The following ENTPD6 variants were observed in gnomAD, a reference collection of about 807,000 sequenced individuals.
The protein encoded by ENTPD6 is CD39 antigen-like 2.
Under a neutral mutation model 61.5 loss-of-function variants are expected in ENTPD6, and 46 were observed. That is an observed-to-expected ratio of 0.75 (90% confidence interval 0.59 to 0.96). ENTPD6 has a LOEUF of 0.96. Among genes scored for constraint, ENTPD6 ranks in the 40% least tolerant of loss-of-function variants. The pLI is 0.00. For synonymous variants in ENTPD6, 252 were observed against 255.5 expected (o/e 0.99, Z 0.13); for missense variants, 612 against 629.0 (o/e 0.97, Z 0.29).
At chr20:25,223,080 AC>A in intron 12 of ENTPD6, 102 bp downstream of exon 12, 5 of 1,373,758 alleles carry the variant, frequency 3.6e-6, no homozygotes, top group Non-Finnish European at 4.9e-6. Flanking sequence ...CAGGCAAGCA[AC>A]CCTGTTGTCA....
chr20:25,215,875 A>G (rs1164741688), intron 7 of ENTPD6, among the ~76,000 whole-genome samples, 164 bp downstream of exon 7: 3 of 152,172 alleles, frequency 2.0e-5, no homozygotes, highest in African/African-American at 7.2e-5. Context: ...GGGTGGGGTC[A>G]CCCACCTGTC....
chr20:25,220,534 C>T (rs373981796), intron 10 of ENTPD6, among the ~76,000 whole-genome samples: 1 of 152,292 alleles, frequency 6.6e-6, no homozygotes, highest in Middle Eastern at 3.4e-3. Context: ...GGTCTGTGCA[C>T]GTGCCTGTCG....
At position 25,216,636 on chromosome 20, in the gene ENTPD6, G is replaced by T. The variant is rs1219757653; in HGVS notation, c.710-12G>T. ...TAATGCCCCTGTGCTGTTTTTGCTT[G>T]CTGTGCTCCAGGCAGCTTGAAAACT... is the stretch of plus-strand genomic sequence containing the variant. On this transcript the variant is annotated splice_polypyrimidine_tract_variant and intron_variant, in intron 7 of 14. Coordinates refer to ENST00000376652, the MANE Select transcript of ENTPD6 (RefSeq NM_001247.5). The T allele has an allele frequency of 1.3e-6, 2 of 1,588,844 alleles. No individual in the cohort carries two copies. The highest frequency in any genetic ancestry group is 2.3e-5 in the East Asian group (1 of 44,028).
In ENTPD6 at chr20:25,227,664, G is replaced by A. The variant is rs1026040264; in HGVS notation, c.*2067G>A. On this transcript the variant is annotated 3_prime_UTR_variant, in exon 15 of 15. Coordinates refer to ENST00000376652, the MANE Select transcript of ENTPD6 (RefSeq NM_001247.5). ...TGACAAGCTCAGACAGGTCTCACAC[G>A]CCCCACATGCCACCCCAGCCCGCGT... Among the ~76,000 whole-genome samples, 1 of 152,160 alleles carries A rather than the reference G, an allele frequency of 6.6e-6. No individual in the cohort carries two copies. The highest frequency in any genetic ancestry group is 1.5e-5 in the Non-Finnish European group (1 of 68,036).
In ENTPD6 at chr20:25,225,620, G is replaced by A. The variant is rs773014634; in HGVS notation, c.*23G>A. 36 of 1,588,318 alleles carry A rather than the reference G, an allele frequency of 2.3e-5. No individual in the cohort carries two copies. The highest frequency in any genetic ancestry group is 8.9e-5 in the East Asian group (4 of 44,778). ...TAGTGGCCGAGCCATCCCTGTCCCC[G>A]TCAGCAGTGTCTGTGTGTCTGCATA... On this transcript the variant is annotated 3_prime_UTR_variant, in exon 15 of 15. Transcript: ENST00000376652.
intron 1 of ENTPD6, among the ~76,000 whole-genome samples, chr20:25,197,964 C>A (rs563992396): frequency 6.6e-6 from 1 of 152,248 alleles, no homozygotes; most frequent in South Asian, 2.1e-4. Flanking sequence ...TCAGACAGTT[C>A]CGTTTACACA....
chr20:25,222,578 C>T (rs1172324389), intron 11 of ENTPD6: 1 of 418,780 alleles, frequency 2.4e-6, no homozygotes, highest in Non-Finnish European at 4.3e-6. Context: ...GCTTCCTCCT[C>T]AGAGTCCAGG....
At chr20:25,200,478 G>A (rs529573325) in intron 1 of ENTPD6, among the ~76,000 whole-genome samples, 1 of 151,628 alleles carries the variant, frequency 6.6e-6, no homozygotes, top group Non-Finnish European at 1.5e-5. Context: ...TTTTGGTGTC[G>A]TATCTAAGAA....
intron 10 of ENTPD6, among the ~76,000 whole-genome samples, chr20:25,219,492 A>C (rs773455675): frequency 6.6e-6 from 1 of 152,236 alleles, no homozygotes; most frequent in East Asian, 1.9e-4. Flanking sequence ...CACAGCCTGC[A>C]TCAGGGCCAG....
chr20:25,220,837 C>A (rs1384937234), intron 10 of ENTPD6, among the ~76,000 whole-genome samples: 1 of 152,172 alleles, frequency 6.6e-6, no homozygotes, highest in Non-Finnish European at 1.5e-5. Context: ...GCAGCAGATT[C>A]CATTCAAGGC....
intron 4 of ENTPD6, 32 bp downstream of exon 4, chr20:25,209,957 A>G (rs374001806): frequency 1.9e-6 from 3 of 1,571,124 alleles, no homozygotes; most frequent in African/African-American, 1.3e-5. Flanking sequence ...TCCCTGTTCA[A>G]CTGCAGAATG....
At chr20:25,225,465 G>A (rs1402092658) in intron 14 of ENTPD6, 34 bp from the exon 15 acceptor site, 4 of 1,604,098 alleles carry the variant, frequency 2.5e-6, no homozygotes, top group African/African-American at 2.7e-5. Context: ...TCCTGTCTGT[G>A]TGATGGTCCC....
chr20:25,217,543 G>A lies in ENTPD6; in HGVS notation c.840G>A (p.Leu280=). The change falls in exon 9 of 15, where the codon CTG becomes CTA. Residue 280 remains leucine (L), a synonymous_variant. Coordinates refer to ENST00000376652, the MANE Select transcript of ENTPD6 (RefSeq NM_001247.5). ...CCCCACCCGGCTACCTGACGGCACTGCGGATGTTTAACAGGACCTACAAGC... is the reference window on the plus strand; with the variant it reads ...CCCCACCCGGCTACCTGACGGCACTACGGATGTTTAACAGGACCTACAAGC... The part of the protein sequence containing the change: ...QASPPGYLTA[L]RMFNRTYKLY... The A allele has an allele frequency of 1.2e-6, 2 of 1,614,170 alleles. No individual in the cohort carries two copies. Among genetic ancestry groups the A allele is most frequent in the Non-Finnish European group, 1.7e-6 (2 of 1,180,006 alleles).
intron 9 of ENTPD6, 42 bp downstream of exon 9, chr20:25,217,623 G>A (rs1211472621): frequency 6.4e-7 from 1 of 1,557,480 alleles, no homozygotes; most frequent in South Asian, 1.1e-5. Context: ...CCATGGGGTG[G>A]GTATGCAGCT....
chr20:25,225,094 G>A (rs1235776473), intron 13 of ENTPD6, 111 bp from the exon 14 acceptor site: 16 of 1,476,504 alleles, frequency 1.1e-5, no homozygotes, highest in Admixed American at 6.5e-5. Flanking sequence ...CTGTGAATCC[G>A]GAGTGCGGAG....
In ENTPD6 at chr20:25,206,423, T is replaced by G. The variant is rs1351776311; in HGVS notation, c.-15-99T>G. 8 of 915,960 alleles carry G rather than the reference T, an allele frequency of 8.7e-6. No individual in the cohort carries two copies. In the Admixed American group the frequency reaches 1.5e-4, roughly 17 times the overall value. The allele number at this position is 915,960 out of a possible 1,614,324, so 56.7% of individuals were successfully genotyped here. ...AACAAATGCTTTCATTTTGGGTATA[T>G]CGAACCAAAAACAATGGCACCCAGT... On this transcript the variant is annotated intron_variant, in intron 1 of 14. Transcript: ENST00000376652.
intron 1 of ENTPD6, among the ~76,000 whole-genome samples, chr20:25,203,997 G>GT (rs1489310890): frequency 6.6e-6 from 1 of 152,182 alleles, no homozygotes; most frequent in Non-Finnish European, 1.5e-5. Flanking sequence ...CTGGGCCTGT[G>GT]TATGTGTTTT....
At chr20:25,209,986 T>C in intron 4 of ENTPD6, 61 bp downstream of exon 4, 1 of 1,414,912 alleles carries the variant, frequency 7.1e-7, no homozygotes, top group South Asian at 1.2e-5. Context: ...CCAGTTCTTT[T>C]CCTTTGAATG....
chr20:25,204,248 T>A (rs1422252343), intron 1 of ENTPD6, among the ~76,000 whole-genome samples: 1 of 152,240 alleles, frequency 6.6e-6, no homozygotes, highest in African/African-American at 2.4e-5. Flanking sequence ...CTCCCCTTTA[T>A]GCCTTGGTTT....
Sources: gnomAD v4.1 joint callset for allele counts (sites outside exome capture counted in the v4.1 genomes callset) on GRCh38, gnomAD v4.1.1 for gene constraint, MANE v1.5 for transcripts, NCBI Gene and HGNC (gene_info 2026-07-23, HGNC 2026-07-21) for gene names.